Variants in PLAG1 observed in about 807,000 individuals in gnomAD.
The protein encoded by PLAG1 is PLAG1 zinc finger.
PLAG1 carries 7 observed loss-of-function variants against 35.5 expected under a neutral mutation model. That is an observed-to-expected ratio of 0.20 (90% CI 0.11 to 0.37). PLAG1 has a LOEUF of 0.37. PLAG1 is among the 10% of genes least tolerant of loss of function. The pLI is 1.00. For synonymous variants in PLAG1, 229 were observed against 225.4 expected (o/e 1.02, Z -0.14); for missense variants, 454 against 602.8 (o/e 0.75, Z 2.58).
chr8:56,168,390 G>T lies in PLAG1; in HGVS notation c.-117-4C>A. 7.9e-7 allele frequency: 1 copy of T among 1,261,626 alleles called. No homozygotes were observed. The highest frequency in any genetic ancestry group is 1.0e-6 in the Non-Finnish European group (1 of 975,078). 78.2% of individuals were successfully genotyped at this position (1,261,626 alleles called of 1,614,324 possible). A position where few individuals can be genotyped will look rare whatever the true frequency, so the allele number is the denominator to read the frequency against. ...CGTAAAAGAAAGCAAAAAGGGACTG[G>T]AAAAAAAAATAAGAAACAACTAGTT... On this transcript the variant is annotated splice_polypyrimidine_tract_variant and splice_region_variant and intron_variant, in intron 3 of 4. Transcript: ENST00000316981.
chr8:56,202,250 C>T (rs1425739273), intron 1 of PLAG1, among the ~76,000 whole-genome samples: 1 of 152,164 alleles, frequency 6.6e-6, no homozygotes, highest in Admixed American at 6.5e-5. Context: ...CAGCATTAAA[C>T]ACAGAACCAG....
Position 56,162,491 on chromosome 8 carries a change from A to G in PLAG1, c.*3752T>C, listed in dbSNP as rs1411706669. On this transcript the variant is annotated 3_prime_UTR_variant, in exon 5 of 5. Coordinates refer to ENST00000316981, the MANE Select transcript of PLAG1 (RefSeq NM_002655.3). ...ATACCATCTACCATTTTTGTACACA[A>G]AGCATTATATATCAAAGGCCTACAT... The G allele has an allele frequency of 4.6e-6, 1 of 216,808 alleles. No individual in the cohort carries two copies. Among genetic ancestry groups the G allele is most frequent in the Non-Finnish European group, 9.3e-6 (1 of 107,538 alleles). The allele number at this position is 216,808 out of a possible 1,614,324, so 13.4% of individuals were successfully genotyped here.
chr8:56,176,017 T>C (rs1039370394), intron 2 of PLAG1, among the ~76,000 whole-genome samples: 1 of 151,974 alleles, frequency 6.6e-6, no homozygotes, highest in Admixed American at 6.6e-5. Flanking sequence ...AAAGTTTTTT[T>C]TCTCTTTTGA....
chr8:56,171,616 C>T, intron 2 of PLAG1, among the ~76,000 whole-genome samples: 1 of 152,162 alleles, frequency 6.6e-6, no homozygotes, highest in East Asian at 1.9e-4. Context: ...GAACAACAGG[C>T]TCCCGGTGAA....
intron 1 of PLAG1, among the ~76,000 whole-genome samples, chr8:56,180,449 G>T (rs1220343256): frequency 3.3e-5 from 5 of 152,206 alleles, no homozygotes; most frequent in South Asian, 4.1e-4. Context: ...ACCTTTTGTC[G>T]TGGAGAAGCT....
chr8:56,205,422 A>C (rs896267466), intron 1 of PLAG1, among the ~76,000 whole-genome samples: 2 of 151,898 alleles, frequency 1.3e-5, no homozygotes, highest in African/African-American at 4.8e-5. Flanking sequence ...GAAGAGAAGG[A>C]AGGCAGGCTT....
intron 1 of PLAG1, among the ~76,000 whole-genome samples, chr8:56,199,208 A>G (rs905093889): frequency 3.9e-5 from 6 of 152,224 alleles, no homozygotes; most frequent in African/African-American, 1.4e-4. Context: ...CCACCCAAAC[A>G]AAGTGCAAAG....
chr8:56,174,163 A>G lies in PLAG1; in HGVS notation c.-216-2974T>C, dbSNP rs546591989. Among the ~76,000 whole-genome samples the G allele has an allele frequency of 1.0e-3, 157 of 152,338 alleles. 1 individual carries two copies. Among genetic ancestry groups the G allele is most frequent in the Admixed American group, 2.0e-3 (30 of 15,300 alleles). On this transcript the variant is annotated intron_variant, in intron 2 of 4. Transcript: ENST00000316981. ...TGCTTACAAGATGCCTTTAGTAAGT[A>G]ATTCAGAAGATGTCAAAAAATTTCC... is the stretch of plus-strand genomic sequence containing the variant.
chr8:56,182,296 T>C (rs567046584), intron 1 of PLAG1, among the ~76,000 whole-genome samples: 2 of 152,266 alleles, frequency 1.3e-5, no homozygotes, highest in East Asian at 1.9e-4. Flanking sequence ...ATGTGCCTAA[T>C]AGTATTAACA....
chr8:56,209,954 C>A (rs910611807), intron 1 of PLAG1, among the ~76,000 whole-genome samples: 1 of 152,078 alleles, frequency 6.6e-6, no homozygotes, highest in Non-Finnish European at 1.5e-5. Flanking sequence ...AAAAACCCCG[C>A]AAAGATCATT....
rs1456177557 is a variant in PLAG1, at chr8:56,162,156, C to T, written c.*4087G>A. The T allele has an allele frequency of 4.4e-6, 1 of 228,180 alleles. No individual in the cohort carries two copies. Among genetic ancestry groups the T allele is most frequent in the African/African-American group, 2.2e-5 (1 of 45,056 alleles). The allele number at this position is 228,180 out of a possible 1,614,324, so 14.1% of individuals were successfully genotyped here. ...TCTGTGTTGTAGACATGGCTGCTGA[C>T]ACAGTGTGAGAAAAACAAGACAAAT... On this transcript the variant is annotated 3_prime_UTR_variant, in exon 5 of 5. Coordinates refer to ENST00000316981, the MANE Select transcript of PLAG1 (RefSeq NM_002655.3).
intron 2 of PLAG1, chr8:56,171,504 A>C (rs1811522213): frequency 6.6e-6 from 1 of 152,206 alleles, no homozygotes; most frequent in South Asian, 2.1e-4. Flanking sequence ...TATTAGGGCT[A>C]CTGTTTATAA....
Position 56,196,366 on chromosome 8 carries a change from C to T in PLAG1, c.-322+14755G>A, listed in dbSNP as rs1305941278. Among the ~76,000 whole-genome samples the T allele has an allele frequency of 2.0e-5, 3 of 152,160 alleles. No homozygotes were observed. In the East Asian group the frequency reaches 5.8e-4, roughly 29 times the overall value. ...TGTACTCTCAAGTGTGTACATCACGCTCAGAGGATAGAACCGGATATATGA... is the reference window on the plus strand; with the variant it reads ...TGTACTCTCAAGTGTGTACATCACGTTCAGAGGATAGAACCGGATATATGA... On this transcript the variant is annotated intron_variant, in intron 1 of 4. Coordinates refer to ENST00000316981, the MANE Select transcript of PLAG1 (RefSeq NM_002655.3).
At chr8:56,189,717 G>C (rs956711701) in intron 1 of PLAG1, among the ~76,000 whole-genome samples, 1 of 152,206 alleles carries the variant, frequency 6.6e-6, no homozygotes. Flanking sequence ...TTTGGAGATG[G>C]GAATTTGGGA....
At position 56,166,379 on chromosome 8, in the gene PLAG1, A is replaced by G. The variant is rs1486628697; in HGVS notation, c.1367T>C (p.Leu456Pro). Reference protein sequence around the residue: ...QEEAHSSVSQLPPQTQDLQDP... With the variant: ...QEEAHSSVSQPPPQTQDLQDP... ...CTGAAGATCCTGTGTTTGTGGGGGG[A>G]GCTGGGAAACAGAAGAATGTGCTTC... The change falls in exon 5 of 5, where the codon CTC becomes CCC. Residue 456 changes from leucine to proline, a missense_variant. Physicochemically the swap from Leu to Pro is moderately conservative, Grantham distance 98 (BLOSUM62 -3). Around this residue, in one of 4 missense-constraint regions of PLAG1, gnomAD observed 271 missense variants for 315.6 expected, o/e 0.86. Transcript: ENST00000316981. 1 of 1,613,776 alleles carries G rather than the reference A, an allele frequency of 6.2e-7. No individual in the cohort carries two copies. The highest frequency in any genetic ancestry group is 8.5e-7 in the Non-Finnish European group (1 of 1,179,864).
At position 56,168,106 on chromosome 8, in the gene PLAG1, G is replaced by C; in HGVS notation, c.164C>G (p.Ser55Cys). 6.2e-7 allele frequency: 1 copy of C among 1,613,166 alleles called. No individual in the cohort carries two copies. Among genetic ancestry groups the C allele is most frequent in the Non-Finnish European group, 8.5e-7 (1 of 1,179,144 alleles). ...SVEKLKVHSY[S>C]HTGERPYKCI... The stretch of plus-strand genomic sequence containing the variant: ...CTTGTAGGGCCTCTCTCCTGTGTGA[G>C]AGTAGGAGTGAACCTTTAATTTCTC... Residue 55 changes from serine (S) to cysteine (C), a missense_variant, in exon 4 of 5, where the codon TCT becomes TGT. Coordinates refer to ENST00000316981, the MANE Select transcript of PLAG1 (RefSeq NM_002655.3).
Position 56,161,085 on chromosome 8 carries a change from G to A in PLAG1, c.*5158C>T, listed in dbSNP as rs902398618. 1 of 185,318 alleles carries A rather than the reference G, an allele frequency of 5.4e-6. No homozygotes were observed. The highest frequency in any genetic ancestry group is 1.1e-5 in the Non-Finnish European group (1 of 87,172). The allele number at this position is 185,318 out of a possible 1,614,324, so 11.5% of individuals were successfully genotyped here. A position where few individuals can be genotyped will look rare whatever the true frequency, so the allele number is the denominator to read the frequency against. On this transcript the variant is annotated 3_prime_UTR_variant, in exon 5 of 5. Transcript: ENST00000316981. ...ATAGTCTGCTTCTTTGGATGTGAATGTTTAAAATGTAGTATCACTGCAGCT... is the reference window on the plus strand; with the variant it reads ...ATAGTCTGCTTCTTTGGATGTGAATATTTAAAATGTAGTATCACTGCAGCT...
chr8:56,177,179 T>C (rs1811724327), intron 2 of PLAG1, among the ~76,000 whole-genome samples: 1 of 152,242 alleles, frequency 6.6e-6, no homozygotes, highest in Admixed American at 6.5e-5. Context: ...AAATGTTGTG[T>C]ATGTGCTGAT....
At chr8:56,186,530 C>A (rs1233222297) in intron 1 of PLAG1, among the ~76,000 whole-genome samples, 1 of 151,770 alleles carries the variant, frequency 6.6e-6, no homozygotes, top group East Asian at 1.9e-4. Context: ...TGTCACCACG[C>A]CCAACTAATT....
Sources: gnomAD v4.1 joint callset for allele counts (sites outside exome capture counted in the v4.1 genomes callset) on GRCh38, gnomAD v4.1.1 for gene constraint, gnomAD v4.1.1 regional missense constraint, MANE v1.5 for transcripts, NCBI Gene and HGNC (gene_info 2026-07-23, HGNC 2026-07-21) for gene names.